TRPM1: variants seen among roughly 807,000 people sequenced by gnomAD.
The protein encoded by TRPM1 is transient receptor potential cation channel subfamily M member 1.
TRPM1 carries 113 observed loss-of-function variants against 149.4 expected under a neutral mutation model. The observed-to-expected ratio is 0.76, with a 90% confidence interval of 0.65 to 0.88. The LOEUF (loss-of-function observed/expected upper bound fraction) is 0.88. Ranked by LOEUF, TRPM1 falls within the 40% of genes least tolerant of loss-of-function variation. The probability of loss-of-function intolerance (pLI) is 0.00; values close to 1 mark genes in which losing one functional copy is unlikely to be tolerated. For synonymous variants in TRPM1, 741 were observed against 759.5 expected, an observed-to-expected ratio of 0.98 and a Z score of 0.40; for missense variants, 1,976 against 2,038.7, an observed-to-expected ratio of 0.97 and a Z score of 0.59.
intron 1 of TRPM1, among the ~76,000 whole-genome samples, chr15:31,112,002 C>T (rs1467073300): frequency 6.6e-6 from 1 of 152,268 alleles, no homozygotes; most frequent in Non-Finnish European, 1.5e-5. Context: ...ACAAAGACTT[C>T]GCATTTTTAT....
At chr15:31,085,149 C>T (rs1374461760) in intron 1 of TRPM1, among the ~76,000 whole-genome samples, 1 of 152,038 alleles carries the variant, frequency 6.6e-6, no homozygotes, top group Non-Finnish European at 1.5e-5. Context: ...ACCAACATAG[C>T]TTATTTTAAA....
chr15:31,077,792 C>T (rs1408214303), intron 2 of TRPM1, among the ~76,000 whole-genome samples: 1 of 151,294 alleles, frequency 6.6e-6, no homozygotes, highest in East Asian at 1.9e-4. Flanking sequence ...TGTACGAGTG[C>T]AGAGTGTGTC....
rs1404039251 is a variant in TRPM1 at position 31,038,114 on chromosome 15, G to T, written c.2369C>A (p.Thr790Lys). Residue 790 changes from threonine (T) to lysine (K), a missense_variant, in exon 19 of 28, where the codon ACA becomes AAA. Transcript: ENST00000256552. The stretch of plus-strand genomic sequence containing the variant: ...TGTTTGATACGAGAAATCATCATAT[G>T]TGCGAAATTCCAAAAACAAGATGGT... ...PPTILFLEFRTYDDFSYQTSK... is the reference protein window; with the variant it reads ...PPTILFLEFRKYDDFSYQTSK... 6 of 1,613,948 alleles carry T rather than the reference G, an allele frequency of 3.7e-6. No homozygotes were observed. The highest frequency in any genetic ancestry group is 5.1e-6 in the Non-Finnish European group (6 of 1,179,856).
chr15:31,017,540 T>C (rs550423685), intron 27 of TRPM1, among the ~76,000 whole-genome samples: 15 of 152,296 alleles, frequency 9.8e-5, no homozygotes, highest in African/African-American at 2.6e-4. Flanking sequence ...GAGTGATTTA[T>C]CAAACATTAA....
chr15:31,088,932 G>T (rs1007670656), intron 1 of TRPM1, among the ~76,000 whole-genome samples: 6 of 152,166 alleles, frequency 3.9e-5, no homozygotes, highest in Non-Finnish European at 8.8e-5. Flanking sequence ...AGAATTGCGT[G>T]GAAGCTGCTG....
At chr15:31,143,817 C>T (rs889062048) in intron 1 of TRPM1, among the ~76,000 whole-genome samples, 2 of 151,824 alleles carry the variant, frequency 1.3e-5, no homozygotes, top group African/African-American at 4.8e-5. Context: ...AAAATTAGAA[C>T]GTTTGCTTTT....
At chr15:31,113,815 G>C (rs1009159595) in intron 1 of TRPM1, among the ~76,000 whole-genome samples, 4 of 152,134 alleles carry the variant, frequency 2.6e-5, no homozygotes, top group African/African-American at 7.2e-5. Flanking sequence ...GCAACAGCAA[G>C]ATTTATTGTG....
In TRPM1 at chr15:31,028,373, G is replaced by T. The variant is rs773508261; in HGVS notation, c.3252C>A (p.Val1084=). The change falls in exon 25 of 28, where the codon GTC becomes GTA. Residue 1084 remains valine, a synonymous_variant. Coordinates refer to ENST00000256552, the MANE Select transcript of TRPM1 (RefSeq NM_001252024.2). ...TPALMACYLL[V]ANILLVNLLI... ...GCAGGTTCACCAGCAGGATGTTGGC[G>T]ACCAGTAGATAGCACGCCATGAGTG... The T allele has an allele frequency of 1.9e-6, 3 of 1,614,010 alleles. No homozygotes were observed. The highest frequency in any genetic ancestry group is 2.5e-6 in the Non-Finnish European group (3 of 1,180,044).
At chr15:31,115,587 C>T (rs74644889) in intron 1 of TRPM1, among the ~76,000 whole-genome samples, 4,752 of 152,132 alleles carry the variant, frequency 0.031, 253 homozygotes, top group African/African-American at 0.11. Flanking sequence ...CAGAGATGGC[C>T]AATCTTAGGG....
At chr15:31,148,555 C>T (rs1385880770) in intron 1 of TRPM1, among the ~76,000 whole-genome samples, 7 of 152,250 alleles carry the variant, frequency 4.6e-5, no homozygotes, top group African/African-American at 7.2e-5. Flanking sequence ...GGCTTTGTTC[C>T]GTGAAAGGAG....
At chr15:31,135,022 G>T (rs966310283) in intron 1 of TRPM1, among the ~76,000 whole-genome samples, 1 of 152,066 alleles carries the variant, frequency 6.6e-6, no homozygotes, top group Non-Finnish European at 1.5e-5. Flanking sequence ...AAAGAGATTG[G>T]CTCAACTCCC....
intron 7 of TRPM1, chr15:31,065,000 G>A (rs1555424384): frequency 1.9e-6 from 1 of 531,190 alleles, no homozygotes; most frequent in South Asian, 1.4e-5. Flanking sequence ...AGTAGAACAG[G>A]TTCTTCTTGG....
At chr15:31,141,534 G>GAAAGTGGTGCAAAAAAATCTATAAAT (rs2036162555) in intron 1 of TRPM1, among the ~76,000 whole-genome samples, 1 of 152,166 alleles carries the variant, frequency 6.6e-6, no homozygotes, top group African/African-American at 2.4e-5. Context: ...GTAAGTAGGA[G>GAAAGTGGTGCAAAAAAATCTATAAAT]AAAGTGGTGC....
intron 1 of TRPM1, among the ~76,000 whole-genome samples, chr15:31,136,809 T>A (rs530930159): frequency 6.7e-6 from 1 of 150,204 alleles, no homozygotes; most frequent in Non-Finnish European, 1.5e-5. Flanking sequence ...GAACACTAAT[T>A]CTTTTTTATG....
chr15:31,035,247 C>T (rs1364017031), intron 21 of TRPM1, among the ~76,000 whole-genome samples: 1 of 152,088 alleles, frequency 6.6e-6, no homozygotes, highest in Non-Finnish European at 1.5e-5. Flanking sequence ...CTCAAGTGAT[C>T]CTCACACCTC....
In TRPM1 at chr15:31,031,039, A is replaced by G; in HGVS notation, c.3071T>C (p.Ile1024Thr). ...EKPSWKLARNIFYMPYWMIYG... is the reference protein window; with the variant it reads ...EKPSWKLARNTFYMPYWMIYG... ...GATCATCCAGTAGGGCATGTAGAAG[A>G]TGTTTCGGGCCAGTTTCCAAGAGGG... The change falls in exon 23 of 28, where the codon ATC becomes ACC. Residue 1024 changes from isoleucine (I) to threonine (T), a missense_variant. By Grantham distance (89) the Ile-to-Thr change is moderately conservative. Coordinates refer to ENST00000256552, the MANE Select transcript of TRPM1 (RefSeq NM_001252024.2). The G allele has an allele frequency of 1.2e-6, 2 of 1,614,200 alleles. No individual in the cohort carries two copies. Among genetic ancestry groups the G allele is most frequent in the Non-Finnish European group, 1.7e-6 (2 of 1,180,022 alleles).
intron 27 of TRPM1, 22 bp downstream of exon 27, chr15:31,026,117 G>A (rs566616672): frequency 1.2e-4 from 190 of 1,609,234 alleles, no homozygotes; most frequent in South Asian, 3.8e-4. Context: ...TCACGGGCCC[G>A]CGGTGGGGAC....
chr15:31,046,109 T>A, intron 16 of TRPM1, 95 bp downstream of exon 16: 1 of 1,237,416 alleles, frequency 8.1e-7, no homozygotes, highest in East Asian at 2.3e-5. Context: ...TAAATTTTGG[T>A]GAGTAGTATC....
chr15:31,005,760 C>T (rs1043390270), intron 27 of TRPM1, among the ~76,000 whole-genome samples: 3 of 152,298 alleles, frequency 2.0e-5, no homozygotes, highest in Admixed American at 6.5e-5. Flanking sequence ...AAATGATTAA[C>T]ATAAAGGACA....
Sources: allele counts gnomAD v4.1 joint callset (sites outside exome capture counted in the v4.1 genomes callset), GRCh38; gene constraint gnomAD v4.1.1; transcripts MANE v1.5; gene names NCBI Gene and HGNC (gene_info 2026-07-23, HGNC 2026-07-21).